The following CORO7 variants were observed in gnomAD, a reference collection of about 807,000 sequenced individuals.
CORO7 encodes coronin 7, also known as coronin-7.
In CORO7, 107 loss-of-function variants were observed where a neutral mutation model predicts 126.6. The observed-to-expected ratio is 0.85, with a 90% confidence interval of 0.72 to 0.99. The LOEUF is 0.99. CORO7 is among the 50% of genes least tolerant of loss of function. The probability of loss-of-function intolerance (pLI) is 0.00; values close to 1 mark genes in which losing one functional copy is unlikely to be tolerated. For synonymous variants in CORO7, 603 were observed against 536.8 expected (o/e 1.12, Z -1.70); for missense variants, 1,314 against 1,255.8 (o/e 1.05, Z -0.70).
intron 1 of CORO7, among the ~76,000 whole-genome samples, chr16:4,414,880 G>C (rs1463336404): frequency 6.6e-6 from 1 of 151,638 alleles, no homozygotes; most frequent in Admixed American, 6.6e-5. Flanking sequence ...TTCTTTTTTT[G>C]AGACAGTGTC....
At chr16:4,375,795 T>A (rs1413604797) in intron 9 of CORO7, among the ~76,000 whole-genome samples, 1 of 152,188 alleles carries the variant, frequency 6.6e-6, no homozygotes, top group Non-Finnish European at 1.5e-5. Flanking sequence ...GCAGAATTTC[T>A]TGTTTAATTG....
chr16:4,398,963 G>A (rs1304881177), intron 6 of CORO7, among the ~76,000 whole-genome samples: 14 of 143,660 alleles, frequency 9.7e-5, no homozygotes, highest in African/African-American at 2.6e-4. Flanking sequence ...GCGAGACTCC[G>A]TCTCAAAAAA....
intron 1 of CORO7, chr16:4,415,697 G>T: frequency 1.0e-6 from 1 of 985,334 alleles, no homozygotes; most frequent in Non-Finnish European, 1.2e-6. Flanking sequence ...GTTATCGGAG[G>T]ACACTCCCAG....
intron 6 of CORO7, among the ~76,000 whole-genome samples, chr16:4,397,619 G>C (rs1312191596): frequency 6.6e-6 from 1 of 151,950 alleles, no homozygotes; most frequent in African/African-American, 2.4e-5. Context: ...TTTTGTATTT[G>C]TTTTTGTTTT....
chr16:4,413,404 A>G lies in CORO7; in HGVS notation c.61T>C (p.Ser21Pro), dbSNP rs1317966795. The change falls in exon 2 of 28, where the codon TCC becomes CCC. Residue 21 changes from serine to proline, a missense_variant and splice_region_variant. Transcript: ENST00000251166. ...CCTGCTCGAATGTCACTGATCCAGG[A>G]CTGAAAATCAAGAGTAAAGAAGTAT... ...HTEARPPRRE[S>P]WISDIRAGTA... 1 of 1,566,764 alleles carries G rather than the reference A, an allele frequency of 6.4e-7. No homozygotes were observed. Among genetic ancestry groups the G allele is most frequent in the African/African-American group, 1.4e-5 (1 of 74,024 alleles).
intron 26 of CORO7, 158 bp downstream of exon 26, chr16:4,357,010 T>A (rs1299021229): frequency 5.9e-6 from 6 of 1,017,496 alleles, no homozygotes; most frequent in Non-Finnish European, 8.7e-6. Context: ...TGGTCAGTGG[T>A]AGGGCTCTGG....
At position 4,402,182 on chromosome 16, in the gene CORO7, G is replaced by A. The variant is rs1446055130; in HGVS notation, c.564+3309C>T. Among the ~76,000 whole-genome samples, 4 of 151,960 alleles carry A rather than the reference G, an allele frequency of 2.6e-5. No homozygotes were observed. The East Asian group carries it at 7.7e-4, about 29-fold the overall frequency. ...TTGAGCTCCTTACCTCAGGTGATCCGCCTGCTTGGCCTCCCAAAGTGCTGG... is the reference window on the plus strand; with the variant it reads ...TTGAGCTCCTTACCTCAGGTGATCCACCTGCTTGGCCTCCCAAAGTGCTGG... On this transcript the variant is annotated intron_variant, in intron 6 of 27. Coordinates refer to ENST00000251166, the MANE Select transcript of CORO7 (RefSeq NM_024535.5).
At chr16:4,415,962 G>A (rs528886008) in intron 1 of CORO7, 4 of 854,626 alleles carry the variant, frequency 4.7e-6, no homozygotes, top group African/African-American at 3.7e-5. Context: ...GGGCGCGTGC[G>A]GCCGAGGGGC....
intron 9 of CORO7, among the ~76,000 whole-genome samples, chr16:4,386,778 G>A (rs1170537486): frequency 6.6e-6 from 1 of 152,214 alleles, no homozygotes; most frequent in Non-Finnish European, 1.5e-5. Context: ...GGGTGTGACA[G>A]GGTGGGAAAG....
chr16:4,394,532 G>C (rs1203199124), intron 7 of CORO7, among the ~76,000 whole-genome samples: 2 of 151,580 alleles, frequency 1.3e-5, no homozygotes, highest in African/African-American at 4.8e-5. Context: ...CCCTCGCGCA[G>C]ACCCCTCAGA....
At chr16:4,359,036 CG>C in intron 23 of CORO7, 2 of 531,090 alleles carry the variant, frequency 3.8e-6, no homozygotes, top group Non-Finnish European at 3.3e-6. Flanking sequence ...CTCAGCCTTC[CG>C]AAGTGTTGGG....
At chr16:4,389,776 G>A (rs2055323167) in intron 7 of CORO7, among the ~76,000 whole-genome samples, 3 of 152,252 alleles carry the variant, frequency 2.0e-5, no homozygotes, top group Non-Finnish European at 2.9e-5. Context: ...GGGTCACAGT[G>A]TCATTCAGGC....
rs765678648 is a variant in CORO7, at chr16:4,364,772, C to A, written c.1044+3G>T. 5 of 1,609,864 alleles carry A rather than the reference C, an allele frequency of 3.1e-6. No individual in the cohort carries two copies. In the South Asian group the frequency reaches 5.5e-5, roughly 18 times the overall value. On this transcript the variant is annotated splice_donor_region_variant and intron_variant, in intron 12 of 27. Coordinates refer to ENST00000251166, the MANE Select transcript of CORO7 (RefSeq NM_024535.5). ...CGCAGTCCCTCGCCCAAGTCCCCCT[C>A]ACCTTGCGGGGCACATGGTAGCCGA...
chr16:4,362,090 C>T lies in CORO7; in HGVS notation c.1473G>A (p.Lys491=), dbSNP rs1240492806. Residue 491 remains lysine, a synonymous_variant, in exon 16 of 28, where the codon AAG becomes AAA. Transcript: ENST00000251166. This position sits in a 1 kb window ranked among gnomAD's most constrained non-coding sequence, Gnocchi z 5.3. ...LHRDSHITNL[K]GLNLTTPGES... ...CACCAGGTGTGGTGAGGTTGAGCCC[C>T]TTGAGGTTGGTGATGTGGCTGTCTC... 1.2e-6 allele frequency: 2 copies of T among 1,612,980 alleles called. No homozygotes were observed. Among genetic ancestry groups the T allele is most frequent in the African/African-American group, 2.7e-5 (2 of 74,836 alleles).
chr16:4,372,196 C>G (rs1277595995), intron 9 of CORO7, among the ~76,000 whole-genome samples: 1 of 152,094 alleles, frequency 6.6e-6, no homozygotes, highest in South Asian at 2.1e-4. Flanking sequence ...CCGACAGCCC[C>G]GCGGCCGGCC....
intron 7 of CORO7, among the ~76,000 whole-genome samples, chr16:4,392,105 T>G (rs988208783): frequency 2.0e-5 from 3 of 152,170 alleles, no homozygotes; most frequent in Non-Finnish European, 2.9e-5. Context: ...GCCTGTCTGA[T>G]GCACTGAGAT....
Position 4,405,649 on chromosome 16 carries a change from C to T in CORO7, c.488-82G>A, listed in dbSNP as rs2055971513. The stretch of plus-strand genomic sequence containing the variant: ...TGGGGGCGGGCCTTGCTGGGGGGAA[C>T]TCCCAGAGCAAAGGCAGCAGCTACG... On this transcript the variant is annotated intron_variant, in intron 5 of 27. Coordinates refer to ENST00000251166, the MANE Select transcript of CORO7 (RefSeq NM_024535.5). The T allele has an allele frequency of 3.9e-6, 6 of 1,521,198 alleles. No individual in the cohort carries two copies. The Admixed American group carries it at 9.5e-5, about 24-fold the overall frequency. 94.2% of individuals were successfully genotyped at this position (1,521,198 alleles called of 1,614,324 possible).
chr16:4,413,330 G>A lies in CORO7; in HGVS notation c.135C>T (p.Ile45=), dbSNP rs747280292. The A allele has an allele frequency of 2.0e-5, 32 of 1,583,618 alleles. No individual in the cohort carries two copies. Among genetic ancestry groups the A allele is most frequent in the Middle Eastern group, 1.7e-4 (1 of 6,028 alleles). Residue 45 remains isoleucine (I), a synonymous_variant, in exon 2 of 28, where the codon ATC becomes ATT. Coordinates refer to ENST00000251166, the MANE Select transcript of CORO7 (RefSeq NM_024535.5). ...TACCAGGACGGTCGGAGTTGAAGGC[G>A]ATCAAGCTGCAGCTTGATTTGATGT... ...RNHIKSSCSL[I]AFNSDRPGVL... is the part of the protein sequence containing the mutation.
intron 9 of CORO7, among the ~76,000 whole-genome samples, chr16:4,377,370 C>T (rs1454109051): frequency 1.3e-5 from 2 of 152,134 alleles, no homozygotes; most frequent in African/African-American, 2.4e-5. Context: ...GGGTGGGCGG[C>T]GGCAACCACC....
Sources: allele counts gnomAD v4.1 joint callset (sites outside exome capture counted in the v4.1 genomes callset), GRCh38; gene constraint gnomAD v4.1.1; non-coding constraint Gnocchi (gnomAD v3.1); transcripts MANE v1.5; gene names NCBI Gene and HGNC (gene_info 2026-07-23, HGNC 2026-07-21).